Variants in CCBE1 observed in about 807,000 individuals in gnomAD.
The protein encoded by CCBE1 is collagen and calcium binding EGF domains 1, also known as collagen and calcium-binding EGF domain-containing protein 1.
In CCBE1, 37 loss-of-function variants were observed where a neutral mutation model predicts 50.0. The observed-to-expected ratio is 0.74, with a 90% CI of 0.57 to 0.97. The LOEUF is 0.97. Ranked by LOEUF, CCBE1 falls within the 50% of genes least tolerant of loss-of-function variation. CCBE1 has a pLI of 0.00. For synonymous variants in CCBE1, 234 were observed against 203.7 expected (o/e 1.15, Z -1.27); for missense variants, 538 against 523.8 (o/e 1.03, Z -0.26).
intron 2 of CCBE1, among the ~76,000 whole-genome samples, chr18:59,588,070 T>C (rs1027152585): frequency 1.2e-4 from 18 of 152,242 alleles, no homozygotes; most frequent in Admixed American, 4.6e-4. Context: ...ATAGATTGAA[T>C]AAAATCCTAA....
chr18:59,453,469 A>G (rs972135177), intron 6 of CCBE1, among the ~76,000 whole-genome samples: 1 of 152,190 alleles, frequency 6.6e-6, no homozygotes, highest in Non-Finnish European at 1.5e-5. Context: ...GGTTAAATCT[A>G]TGTTTTATTC....
chr18:59,491,839 A>AAATAAACAAACAAAC (rs1555683275), intron 2 of CCBE1, among the ~76,000 whole-genome samples: 2 of 16,318 alleles, frequency 1.2e-4, no homozygotes, highest in Non-Finnish European at 2.6e-4. Context: ...AACAAACAAA[A>AAATAAACAAACAAAC]AAAAACGTTT....
At chr18:59,514,701 T>TA (rs2144307904) in intron 2 of CCBE1, among the ~76,000 whole-genome samples, 1 of 150,888 alleles carries the variant, frequency 6.6e-6, no homozygotes, top group South Asian at 2.1e-4. Context: ...CTGCTGACTT[T>TA]AAAGAGCAAA....
intron 2 of CCBE1, chr18:59,568,513 C>A (rs1568211079): frequency 6.6e-6 from 1 of 152,170 alleles, no homozygotes; most frequent in African/African-American, 2.4e-5. Context: ...AGCAAGGTTT[C>A]AAGAGACTCT....
intron 2 of CCBE1, among the ~76,000 whole-genome samples, chr18:59,694,951 G>A (rs2054784763): frequency 1.3e-5 from 2 of 152,136 alleles, no homozygotes; most frequent in Non-Finnish European, 2.9e-5. Context: ...AGCAATTTGA[G>A]TAGCTATTAG....
intron 7 of CCBE1, among the ~76,000 whole-genome samples, chr18:59,442,338 TC>T (rs1198472193): frequency 3.9e-5 from 6 of 152,340 alleles, no homozygotes; most frequent in Non-Finnish European, 7.3e-5. Context: ...TTGCAGTATA[TC>T]TATAGTATAA....
chr18:59,489,241 G>C (rs1163977135), intron 2 of CCBE1, among the ~76,000 whole-genome samples: 2 of 152,212 alleles, frequency 1.3e-5, no homozygotes, highest in African/African-American at 4.8e-5. Flanking sequence ...CTACAAGGCT[G>C]AGAACATGCT....
chr18:59,634,584 T>C (rs142573553), intron 2 of CCBE1, among the ~76,000 whole-genome samples: 1 of 152,276 alleles, frequency 6.6e-6, no homozygotes, highest in African/African-American at 2.4e-5. Context: ...GAGCTAGAGT[T>C]GGTAAAAACA....
intron 2 of CCBE1, among the ~76,000 whole-genome samples, chr18:59,658,182 C>A (rs1157282912): frequency 6.7e-6 from 1 of 149,412 alleles, no homozygotes; most frequent in African/African-American, 2.5e-5. Context: ...CATGTAGAGA[C>A]CATTCAATGG....
intron 2 of CCBE1, among the ~76,000 whole-genome samples, chr18:59,553,682 T>G (rs992611353): frequency 6.6e-6 from 1 of 152,228 alleles, no homozygotes; most frequent in Non-Finnish European, 1.5e-5. Context: ...AGGTGCTCTG[T>G]AGGCAGCCTT....
chr18:59,556,121 T>C (rs1371580721), intron 2 of CCBE1, among the ~76,000 whole-genome samples: 1 of 152,164 alleles, frequency 6.6e-6, no homozygotes, highest in Admixed American at 6.5e-5. Context: ...CTTCCTGATA[T>C]CCAGCCTCCA....
intron 2 of CCBE1, among the ~76,000 whole-genome samples, chr18:59,693,648 G>A (rs1362266108): frequency 1.3e-5 from 2 of 151,942 alleles, no homozygotes; most frequent in East Asian, 3.9e-4. Flanking sequence ...TCAAAGTCCT[G>A]GATATAAAAT....
intron 7 of CCBE1, among the ~76,000 whole-genome samples, chr18:59,440,878 G>T (rs1430510903): frequency 6.6e-6 from 1 of 152,204 alleles, no homozygotes; most frequent in Non-Finnish European, 1.5e-5. Context: ...AGTGTGGGGA[G>T]AGAACCCCTC....
intron 2 of CCBE1, among the ~76,000 whole-genome samples, chr18:59,681,915 T>A (rs1487271627): frequency 6.6e-6 from 1 of 152,208 alleles, no homozygotes; most frequent in African/African-American, 2.4e-5. Flanking sequence ...CTGTTTACTC[T>A]GCTCTCTGTG....
chr18:59,571,733 T>C (rs1161476976), intron 2 of CCBE1, among the ~76,000 whole-genome samples: 1 of 152,232 alleles, frequency 6.6e-6, no homozygotes, highest in Non-Finnish European at 1.5e-5. Context: ...GGGCTTATAA[T>C]GAGGTTGATT....
intron 2 of CCBE1, among the ~76,000 whole-genome samples, chr18:59,530,529 A>G (rs1915006276): frequency 6.6e-6 from 1 of 150,576 alleles, no homozygotes; most frequent in African/African-American, 2.4e-5. Context: ...ATTCCATGGC[A>G]CCTACAGGAC....
intron 2 of CCBE1, among the ~76,000 whole-genome samples, chr18:59,692,955 AGCACACACACACACACACAC>A (rs1343490416): frequency 4.3e-4 from 62 of 143,172 alleles, no homozygotes; most frequent in East Asian, 6.4e-4. Flanking sequence ...GTCAAGCCAA[AGCACACACACACACACACAC>A]ACACACACAC....
At position 59,595,114 on chromosome 18, in the gene CCBE1, C is replaced by CAAAAAAAAAAAAAAAAA. The variant is rs546035209; in HGVS notation, c.212+101498_212+101514dup. ...CTGGCAACAGAGCGAGACTCTGTCT[C>CAAAAAAAAAAAAAAAAA]AAAAAAAAAAAAAAAAAAATCCATT... is the stretch of plus-strand genomic sequence containing the variant. On this transcript the variant is annotated intron_variant, in intron 2 of 10. Transcript: ENST00000439986. Among the ~76,000 whole-genome samples, 79 of 73,564 alleles carry CAAAAAAAAAAAAAAAAA rather than the reference C, an allele frequency of 1.1e-3. 2 individuals are homozygous for CAAAAAAAAAAAAAAAAA. Among genetic ancestry groups the CAAAAAAAAAAAAAAAAA allele is most frequent in the African/African-American group, 3.4e-3 (76 of 22,482 alleles). 48.3% of individuals were successfully genotyped at this position (73,564 alleles called of 152,430 possible).
rs137994481 is a variant in CCBE1 at position 59,468,083 on chromosome 18, A to G, written c.401-1192T>C. Among the ~76,000 whole-genome samples the G allele has an allele frequency of 2.1e-3, 319 of 152,034 alleles. 4 individuals carry two copies. The highest frequency in any genetic ancestry group is 7.4e-3 in the African/African-American group (305 of 41,476). On this transcript the variant is annotated intron_variant, in intron 4 of 10. Transcript: ENST00000439986. ...GAAGCCAAGTTCTGCTGGTCCCCAA[A>G]CCCCCAAACAAAAAGAACAGGGGGC...
Sources: allele counts gnomAD v4.1 joint callset (sites outside exome capture counted in the v4.1 genomes callset), GRCh38; gene constraint gnomAD v4.1.1; transcripts MANE v1.5; gene names NCBI Gene and HGNC (gene_info 2026-07-23, HGNC 2026-07-21).